Variants in ARFGAP2 observed in about 807,000 individuals in gnomAD.
The protein encoded by ARFGAP2 is ADP-ribosylation factor GTPase-activating protein 2.
A neutral mutation model predicts 71.9 loss-of-function variants in ARFGAP2; 45 were observed. The observed-to-expected ratio is 0.63, with a 90% CI of 0.49 to 0.80. The LOEUF is 0.80. ARFGAP2 is among the 30% of genes least tolerant of loss of function. The pLI is 0.00. For missense variants in ARFGAP2, 633 were observed against 673.9 expected, an observed-to-expected ratio of 0.94 and a Z score of 0.67; for synonymous variants, 248 against 249.2, an observed-to-expected ratio of 1.00 and a Z score of 0.05.
At chr11:47,167,014 C>A in intron 12 of ARFGAP2, 128 bp from the exon 13 acceptor site, 1 of 1,251,842 alleles carries the variant, frequency 8.0e-7, no homozygotes, top group South Asian at 1.5e-5. Context: ...GTCTGTGGCT[C>A]TGTGGCTCTG....
Position 47,175,914 on chromosome 11 carries a change from C to A in ARFGAP2, c.201G>T (p.Glu67Asp). The A allele has an allele frequency of 1.2e-6, 2 of 1,614,154 alleles. No homozygotes were observed. The highest frequency in any genetic ancestry group is 1.7e-6 in the Non-Finnish European group (2 of 1,180,016). The change falls in exon 3 of 16, where the codon GAG becomes GAT. Residue 67 changes from glutamate (E) to aspartate (D), a missense_variant. By Grantham distance (45) the Glu-to-Asp change is conservative. Coordinates refer to ENST00000524782, the MANE Select transcript of ARFGAP2 (RefSeq NM_032389.6). Reference protein sequence around the residue: ...GVHLSFIRSTELDSNWNWFQL... With the variant: ...GVHLSFIRSTDLDSNWNWFQL... ...GGAACCAGTTCCAGTTGGAATCCAACTCTGTGGACCTGTGTACAAGGGCTG... is the reference window on the plus strand; with the variant it reads ...GGAACCAGTTCCAGTTGGAATCCAAATCTGTGGACCTGTGTACAAGGGCTG...
Position 47,171,561 on chromosome 11 carries a change from A to T in ARFGAP2, c.810-4T>A. 6.2e-7 allele frequency: 1 copy of T among 1,614,142 alleles called. No individual in the cohort carries two copies. Among genetic ancestry groups the T allele is most frequent in the Non-Finnish European group, 8.5e-7 (1 of 1,180,016 alleles). ...GGCCAGACGCATGGAGGCGACCCTTAGGGGGAACAAAGGTGTCAGTGGCCA... is the reference window on the plus strand; with the variant it reads ...GGCCAGACGCATGGAGGCGACCCTTTGGGGGAACAAAGGTGTCAGTGGCCA... On this transcript the variant is annotated splice_region_variant and splice_polypyrimidine_tract_variant and intron_variant, in intron 9 of 15. Coordinates refer to ENST00000524782, the MANE Select transcript of ARFGAP2 (RefSeq NM_032389.6).
Position 47,173,426 on chromosome 11 carries a change from C to A in ARFGAP2, c.619G>T (p.Glu207Ter). 1 of 1,554,792 alleles carries A rather than the reference C, an allele frequency of 6.4e-7. No individual in the cohort carries two copies. The highest frequency in any genetic ancestry group is 8.7e-7 in the Non-Finnish European group (1 of 1,148,818). Reference sequence around the variant, plus strand: ...CACGCCTGCCCGCTGGCATACTGACCCAGTGAGGCTTTGGGTGAGGTGCCA... The same window carrying A: ...CACGCCTGCCCGCTGGCATACTGACACAGTGAGGCTTTGGGTGAGGTGCCA... Reference protein sequence around the residue: ...LLGTSPKASLELKSSIIGKKK... With the variant: ...LLGTSPKASL Residue 207 changes from glutamate (E) to a stop codon, truncating the protein, a stop_gained and splice_region_variant, in exon 7 of 16, where the codon GAA (glutamate) becomes TAA (stop). Transcript: ENST00000524782. LOFTEE classifies it high-confidence loss of function.
chr11:47,168,220 G>A lies in ARFGAP2; in HGVS notation c.973C>T (p.Gln325Ter). ...SVSHSVLSEM[Q>*]VIEQETPVSA... The stretch of plus-strand genomic sequence containing the variant: ...ACTGGGGTTTCCTGCTCAATCACCT[G>A]CATCTCAGACAGCACGGAGTGGGAG... Residue 325 changes from glutamine to a stop codon, truncating the protein, a stop_gained, in exon 11 of 16, where the codon CAG becomes TAG. Transcript: ENST00000524782. LOFTEE classifies it high-confidence loss of function. 6.2e-7 allele frequency: 1 copy of A among 1,614,196 alleles called. No homozygotes were observed. The highest frequency in any genetic ancestry group is 8.5e-7 in the Non-Finnish European group (1 of 1,180,048).
chr11:47,170,334 AAAAAAAAAAG>A (rs1354252783), intron 10 of ARFGAP2, among the ~76,000 whole-genome samples: 3 of 150,370 alleles, frequency 2.0e-5, no homozygotes, highest in African/African-American at 7.4e-5. Context: ...AAAAAAAAAA[AAAAAAAAAAG>A]AAAAGAAAAG....
intron 10 of ARFGAP2, among the ~76,000 whole-genome samples, chr11:47,171,052 A>G (rs1952579450): frequency 6.6e-6 from 1 of 152,208 alleles, no homozygotes; most frequent in Non-Finnish European, 1.5e-5. Flanking sequence ...AGGGTATTAC[A>G]GGGAGCACAA....
chr11:47,166,150 C>A, intron 15 of ARFGAP2, 118 bp downstream of exon 15: 1 of 1,042,620 alleles, frequency 9.6e-7, no homozygotes, highest in Non-Finnish European at 1.5e-6. Flanking sequence ...GCGTGAGCCA[C>A]CACACCCGGC....
rs1421228139 is a variant in ARFGAP2 at position 47,176,521 on chromosome 11, G to A, written c.186C>T (p.Phe62=). The change falls in exon 2 of 16, where the codon TTC becomes TTT. Residue 62 remains phenylalanine, a synonymous_variant. Transcript: ENST00000524782. ...CAACCGCGCGGAGAGCCTACCTGAT[G>A]AAGCTCAGATGGACGCCCAGGGAGC... The part of the protein sequence containing the change: ...VHRSLGVHLS[F]IRSTELDSNW... 2 of 1,613,424 alleles carry A rather than the reference G, an allele frequency of 1.2e-6. No individual in the cohort carries two copies. The highest frequency in any genetic ancestry group is 1.1e-5 in the South Asian group (1 of 91,054).
At position 47,175,855 on chromosome 11, in the gene ARFGAP2, T is replaced by C. The variant is rs375453875; in HGVS notation, c.260A>G (p.Asn87Ser). 33 of 1,614,120 alleles carry C rather than the reference T, an allele frequency of 2.0e-5. No individual in the cohort carries two copies. Among genetic ancestry groups the C allele is most frequent in the African/African-American group, 1.7e-4 (13 of 75,030 alleles). Residue 87 changes from asparagine (N) to serine (S), a missense_variant, in exon 3 of 16, where the codon AAT becomes AGT. Coordinates refer to ENST00000524782, the MANE Select transcript of ARFGAP2 (RefSeq NM_032389.6). Reference protein sequence around the residue: ...LRCMQVGGNANATAFFRQHGC... With the variant: ...LRCMQVGGNASATAFFRQHGC... Reference sequence around the variant, plus strand: ...GGGAAGTAGAAGGAGCTTTACCGCATTGGCATTCCCGCCGACCTGCATACA... The same window carrying C: ...GGGAAGTAGAAGGAGCTTTACCGCACTGGCATTCCCGCCGACCTGCATACA...
At position 47,176,779 on chromosome 11, in the gene ARFGAP2, C is replaced by T; in HGVS notation, c.72+3G>A. Reference sequence around the variant, plus strand: ...AGACTCCGCGCGCCCCCTGCTCACGCACCTTGTTGGTTGGAACTGCGCGAA... The same window carrying T: ...AGACTCCGCGCGCCCCCTGCTCACGTACCTTGTTGGTTGGAACTGCGCGAA... On this transcript the variant is annotated splice_donor_region_variant and intron_variant, in intron 1 of 15. Coordinates refer to ENST00000524782, the MANE Select transcript of ARFGAP2 (RefSeq NM_032389.6). 6.2e-7 allele frequency: 1 copy of T among 1,614,150 alleles called. No homozygotes were observed. Among genetic ancestry groups the T allele is most frequent in the Non-Finnish European group, 8.5e-7 (1 of 1,180,030 alleles).
chr11:47,166,463 T>C, intron 14 of ARFGAP2, 43 bp downstream of exon 14: 1 of 1,612,386 alleles, frequency 6.2e-7, no homozygotes, highest in Non-Finnish European at 8.5e-7. Flanking sequence ...CCCGCCCTGC[T>C]CCCAGGCCTC....
In ARFGAP2 at chr11:47,166,949, G is replaced by A. The variant is rs538634947; in HGVS notation, c.1206-63C>T. The A allele has an allele frequency of 9.9e-4, 1,558 of 1,570,700 alleles. 30 individuals carry two copies. The South Asian group carries it at 0.017, about 17-fold the overall frequency. On this transcript the variant is annotated intron_variant, in intron 12 of 15. Coordinates refer to ENST00000524782, the MANE Select transcript of ARFGAP2 (RefSeq NM_032389.6). Reference sequence around the variant, plus strand: ...TTATCATCAGGGGAGGCAGAGTACAGAGGCCAAACAGAGCACCAGTGGCCT... The same window carrying A: ...TTATCATCAGGGGAGGCAGAGTACAAAGGCCAAACAGAGCACCAGTGGCCT...
intron 7 of ARFGAP2, chr11:47,172,998 A>C: frequency 2.8e-6 from 1 of 354,740 alleles, no homozygotes; most frequent in East Asian, 7.6e-5. Context: ...AAAATGTAGG[A>C]AAGAGTTAAA....
At chr11:47,167,517 C>G (rs1033989287) in intron 12 of ARFGAP2, among the ~76,000 whole-genome samples, 6 of 152,034 alleles carry the variant, frequency 3.9e-5, no homozygotes, top group Admixed American at 1.3e-4. Context: ...GACATAAAAC[C>G]CCTGAAAGGA....
At chr11:47,176,191 TCA>T (rs1202292929) in intron 2 of ARFGAP2, 7 of 590,244 alleles carry the variant, frequency 1.2e-5, no homozygotes, top group South Asian at 6.1e-5. Flanking sequence ...TAATGGATGG[TCA>T]CAGTCTCACT....
chr11:47,175,339 C>T (rs886109440), intron 3 of ARFGAP2, 26 bp from the exon 4 acceptor site: 4 of 1,613,872 alleles, frequency 2.5e-6, no homozygotes, highest in Admixed American at 1.7e-5. Flanking sequence ...GAGAGCAGCG[C>T]GTGCTACGGG....
chr11:47,176,381 G>A lies in ARFGAP2; in HGVS notation c.191+135C>T, dbSNP rs1952825397. ...ACACAGGTGGTTCCCTCTGGCAGGA[G>A]GCTACCGGACCCTCTCGGCCCAGAG... On this transcript the variant is annotated intron_variant, in intron 2 of 15. Transcript: ENST00000524782. The A allele has an allele frequency of 4.7e-6, 4 of 854,252 alleles. No individual in the cohort carries two copies. In the South Asian group the frequency reaches 4.7e-5, roughly 10 times the overall value. The allele number at this position is 854,252 out of a possible 1,614,324, so 52.9% of individuals were successfully genotyped here.
At chr11:47,172,469 G>A (rs1952643381) in intron 7 of ARFGAP2, 136 bp from the exon 8 acceptor site, 1 of 1,150,030 alleles carries the variant, frequency 8.7e-7, no homozygotes, top group Admixed American at 1.9e-5. Flanking sequence ...GCCACCACCA[G>A]CTCCAACCAG....
intron 12 of ARFGAP2, among the ~76,000 whole-genome samples, chr11:47,167,434 C>G (rs1318017547): frequency 2.0e-5 from 3 of 152,124 alleles, no homozygotes; most frequent in African/African-American, 7.2e-5. Context: ...GGATAACTCA[C>G]AGATATTATG....
Sources: gnomAD v4.1 joint callset for allele counts (sites outside exome capture counted in the v4.1 genomes callset) on GRCh38, gnomAD v4.1.1 for gene constraint, MANE v1.5 for transcripts, NCBI Gene and HGNC (gene_info 2026-07-23, HGNC 2026-07-21) for gene names.